Variants in GGT1 observed in about 807,000 individuals in gnomAD.
The protein encoded by GGT1 is glutathione hydrolase 1 proenzyme.
Under a neutral mutation model 56.0 loss-of-function variants are expected in GGT1, and 21 were observed. That is an observed-to-expected ratio of 0.38 (90% confidence interval 0.27 to 0.54). GGT1 has a LOEUF of 0.54. Ranked by LOEUF, GGT1 falls within the 20% of genes least tolerant of loss-of-function variation. GGT1 has a pLI of 0.82. For synonymous variants in GGT1, 238 were observed against 342.6 expected (o/e 0.69, Z 3.37); for missense variants, 466 against 787.0 (o/e 0.59, Z 4.88).
chr22:24,623,330 G>C (rs1187651560), intron 10 of GGT1, 74 bp downstream of exon 10: 2 of 1,423,592 alleles, frequency 1.4e-6, no homozygotes, highest in African/African-American at 1.5e-5. Context: ...CACCCCTCCT[G>C]CATCTCTGCT....
chr22:24,598,735 T>C (rs1223625587), upstream of GGT1, among the ~76,000 whole-genome samples: 1 of 152,170 alleles, frequency 6.6e-6, no homozygotes, highest in Non-Finnish European at 1.5e-5. Context: ...TTTATTTTTG[T>C]AGAGATGGGG....
In GGT1 at chr22:24,628,267, T is replaced by C; in HGVS notation, c.1450-8T>C. On this transcript the variant is annotated splice_region_variant and splice_polypyrimidine_tract_variant and intron_variant, in intron 14 of 15. Transcript: ENST00000400382. This position sits in a 1 kb window ranked among gnomAD's most constrained non-coding sequence, Gnocchi z 5.7. ...CCAAGCCATGCTGATCACACTCCCA[T>C]GCCCCAGGCCATCATCTACAACCTC... 3 of 1,611,944 alleles carry C rather than the reference T, an allele frequency of 1.9e-6. No individual in the cohort carries two copies. The highest frequency in any genetic ancestry group is 2.5e-6 in the Non-Finnish European group (3 of 1,179,836).
intron 9 of GGT1, 116 bp downstream of exon 9, chr22:24,621,186 G>A: frequency 6.8e-7 from 1 of 1,475,042 alleles, no homozygotes; most frequent in Non-Finnish European, 9.0e-7. Context: ...GTTCCTGGTG[G>A]AGGAGGGTCA....
At chr22:24,606,011 TC>T (rs2046282667) in intron 1 of GGT1, among the ~76,000 whole-genome samples, 1 of 31,352 alleles carries the variant, frequency 3.2e-5, no homozygotes, top group Non-Finnish European at 5.7e-5. Context: ...ATATAATATA[TC>T]ATATATTATA....
rs201554132 is a variant in GGT1, at chr22:24,628,536, G to T, written c.1563+148G>T. 2 of 1,035,206 alleles carry T rather than the reference G, an allele frequency of 1.9e-6. No homozygotes were observed. The highest frequency in any genetic ancestry group is 2.6e-5 in the East Asian group (1 of 38,808). The allele number at this position is 1,035,206 out of a possible 1,614,324, so 64.1% of individuals were successfully genotyped here. On this transcript the variant is annotated intron_variant, in intron 15 of 15. Transcript: ENST00000400382. The surrounding 1 kb of genome is among the most constrained non-coding windows in gnomAD (Gnocchi z 5.7). ...GGAGCCCCTGTGCCATGAGGGCCAA[G>T]CCCCCTGCTCCAGTGAGACCCAGCA...
At chr22:24,583,873 G>A in the GGT1 span, 5 of 455,200 alleles carry the variant, frequency 1.1e-5, no homozygotes, top group Admixed American at 9.5e-5. Context: ...TGGGCAGGGA[G>A]TCAGCAGGGC....
intron 11 of GGT1, among the ~76,000 whole-genome samples, chr22:24,626,015 C>G (rs1439370294): frequency 7.4e-6 from 1 of 134,940 alleles, no homozygotes; most frequent in East Asian, 2.0e-4. Flanking sequence ...GAGTCTCGCT[C>G]TGTCCCCCAG....
chr22:24,609,719 A>T (rs1180705442), intron 2 of GGT1: 12 of 300,854 alleles, frequency 4.0e-5, no homozygotes, highest in Non-Finnish European at 7.8e-5. Context: ...CTCTGTCACC[A>T]CATCCCTCTT....
At chr22:24,589,801 C>T in the GGT1 span, 1 of 1,602,804 alleles carries the variant, frequency 6.2e-7, no homozygotes, top group Non-Finnish European at 8.5e-7. Flanking sequence ...CAGCCCAGGG[C>T]CCGTGCCTGC....
chr22:24,603,711 G>A (rs1249774583), intron 1 of GGT1, among the ~76,000 whole-genome samples, 184 bp downstream of exon 1: 1 of 152,038 alleles, frequency 6.6e-6, no homozygotes, highest in African/African-American at 2.4e-5. Context: ...TAAGAGGAAA[G>A]AGTGCAGCAT....
At chr22:24,599,114 A>G (rs547142093), upstream of GGT1, 2 of 152,234 alleles carry the variant, frequency 1.3e-5, no homozygotes, top group Admixed American at 1.3e-4. Context: ...CATTTTAGTA[A>G]AAACAGCTAG....
At chr22:24,622,832 G>T (rs1414576866) in intron 9 of GGT1, among the ~76,000 whole-genome samples, 1 of 152,212 alleles carries the variant, frequency 6.6e-6, no homozygotes, top group Non-Finnish European at 1.5e-5. Context: ...AAGGGCAGGT[G>T]GCCCCAGCCC....
rs1465648076 is a variant in GGT1 at position 24,609,960 on chromosome 22, A to G, written c.-358-5A>G. The G allele has an allele frequency of 2.1e-6, 1 of 465,928 alleles. No individual in the cohort carries two copies. The highest frequency in any genetic ancestry group is 4.4e-6 in the Non-Finnish European group (1 of 225,536). The allele number at this position is 465,928 out of a possible 1,614,324, so 28.9% of individuals were successfully genotyped here. On this transcript the variant is annotated splice_polypyrimidine_tract_variant and splice_region_variant and intron_variant, in intron 2 of 15. Transcript: ENST00000400382. ...AACCTACTCTATTCACAACACTCCCAGCAGCAAGGCAAGTGAGGTGCTGCC... is the reference window on the plus strand; with the variant it reads ...AACCTACTCTATTCACAACACTCCCGGCAGCAAGGCAAGTGAGGTGCTGCC...
chr22:24,609,394 G>T, intron 2 of GGT1: 1 of 153,762 alleles, frequency 6.5e-6, no homozygotes, highest in Non-Finnish European at 1.4e-5. Context: ...CTACTGCCAG[G>T]TCTCTCTGCT....
At chr22:24,619,602 G>A (rs1303184901) in intron 7 of GGT1, among the ~76,000 whole-genome samples, 3 of 152,102 alleles carry the variant, frequency 2.0e-5, no homozygotes, top group Non-Finnish European at 4.4e-5. Context: ...CCTTATAGTT[G>A]GATGGAGAAA....
At chr22:24,602,169 G>A (rs1233912256), upstream of GGT1, among the ~76,000 whole-genome samples, 1 of 152,142 alleles carries the variant, frequency 6.6e-6, no homozygotes, top group Non-Finnish European at 1.5e-5. Flanking sequence ...CTCACTTCCT[G>A]GAAAAGGCTC....
rs769725888 is a variant in GGT1, at chr22:24,618,548, G to C, written c.383-1780G>C. 4.5e-4 allele frequency among the ~76,000 whole-genome samples: 69 copies of C among 152,240 alleles called. 1 individual carries two copies. The highest frequency in any genetic ancestry group is 3.2e-3 in the Middle Eastern group (1 of 316). On this transcript the variant is annotated intron_variant, in intron 7 of 15. Coordinates refer to ENST00000400382, the MANE Select transcript of GGT1 (RefSeq NM_001288833.2). ...GGAGGTTGTAGTGAGCTGAGATCATGCCACTGCACTGTAGTCTGGGAGACA... is the reference window on the plus strand; with the variant it reads ...GGAGGTTGTAGTGAGCTGAGATCATCCCACTGCACTGTAGTCTGGGAGACA...
upstream of GGT1, chr22:24,592,250 C>T (rs1033662042): frequency 1.1e-5 from 5 of 461,824 alleles, no homozygotes; most frequent in East Asian, 2.1e-4. Flanking sequence ...ACCACCGGAC[C>T]GAGTGTTGTG....
chr22:24,612,244 C>CTTTTT (rs796939700), intron 5 of GGT1, among the ~76,000 whole-genome samples: 26 of 75,326 alleles, frequency 3.5e-4, no homozygotes, highest in East Asian at 1.0e-3. Flanking sequence ...CCGGCTTATT[C>CTTTTT]TTTTTTTTTT....
Sources: allele counts gnomAD v4.1 joint callset (sites outside exome capture counted in the v4.1 genomes callset), GRCh38; gene constraint gnomAD v4.1.1; non-coding constraint Gnocchi (gnomAD v3.1); transcripts MANE v1.5; gene names NCBI Gene and HGNC (gene_info 2026-07-23, HGNC 2026-07-21).